The following TAOK1 variants were observed in gnomAD, a reference collection of about 807,000 sequenced individuals.
The protein encoded by TAOK1 is TAO kinase 1, also known as serine/threonine-protein kinase TAO1.
Under a neutral mutation model 138.3 loss-of-function variants are expected in TAOK1, and 21 were observed. The observed-to-expected ratio is 0.15, with a 90% CI of 0.11 to 0.22. The LOEUF is 0.22. TAOK1 is among the 10% of genes least tolerant of loss of function. TAOK1 has a pLI of 1.00. For missense variants in TAOK1, 651 were observed against 1,227.7 expected (o/e 0.53, Z 7.02); for synonymous variants, 361 against 398.4 (o/e 0.91, Z 1.12).
intron 19 of TAOK1, among the ~76,000 whole-genome samples, chr17:29,542,299 G>A (rs756078935): frequency 9.9e-5 from 15 of 152,116 alleles, no homozygotes; most frequent in Non-Finnish European, 2.1e-4. Flanking sequence ...CCCTATTCAA[G>A]TTATGGGTGC....
intron 19 of TAOK1, among the ~76,000 whole-genome samples, chr17:29,541,459 A>G (rs1283014804): frequency 6.6e-6 from 1 of 152,090 alleles, no homozygotes; most frequent in Non-Finnish European, 1.5e-5. Flanking sequence ...TGTGATATCT[A>G]ACAGAATTCA....
At chr17:29,465,864 T>TTTTTTTTTTTTTTTTTTC (rs397828344) in intron 2 of TAOK1, among the ~76,000 whole-genome samples, 1 of 131,858 alleles carries the variant, frequency 7.6e-6, no homozygotes, top group African/African-American at 2.8e-5. Context: ...TTTTTTTTTT[T>TTTTTTTTTTTTTTTTTTC]CAGATTTTCC....
chr17:29,403,870 T>C (rs1904919892), intron 1 of TAOK1: 1 of 152,038 alleles, frequency 6.6e-6, no homozygotes, highest in Non-Finnish European at 1.5e-5. Flanking sequence ...ATGCCTGGCC[T>C]AGATTCTTTA....
intron 12 of TAOK1, 33 bp from the exon 13 acceptor site, chr17:29,502,556 T>C: frequency 6.3e-7 from 1 of 1,591,340 alleles, no homozygotes; most frequent in South Asian, 1.1e-5. Flanking sequence ...ACTGTTCACC[T>C]TACATAATAT....
At chr17:29,428,233 G>A (rs78831588) in intron 1 of TAOK1, among the ~76,000 whole-genome samples, 4,883 of 152,226 alleles carry the variant, frequency 0.032, 261 homozygotes, top group African/African-American at 0.11. Flanking sequence ...CATCCTCATA[G>A]ATGTTGGGAG....
rs1436867373 is a variant in TAOK1, at chr17:29,468,485, GA to G, written c.204+1270del. Among the ~76,000 whole-genome samples, 7 of 151,610 alleles carry G rather than the reference GA, an allele frequency of 4.6e-5. No individual in the cohort carries two copies. In the East Asian group the frequency reaches 7.8e-4, roughly 17 times the overall value. On this transcript the variant is annotated intron_variant, in intron 3 of 19. Transcript: ENST00000261716. ...AAATATTCTCTGTTTATCTTGGAAAGATTATCAGTTTCTAAAAAATTAAAGT... is the reference window on the plus strand; with the variant it reads ...AAATATTCTCTGTTTATCTTGGAAAGTTATCAGTTTCTAAAAAATTAAAGT...
intron 15 of TAOK1, chr17:29,514,072 G>T (rs1161749915): frequency 6.6e-6 from 1 of 152,228 alleles, no homozygotes; most frequent in Non-Finnish European, 1.5e-5. Context: ...AGGTTGCAGT[G>T]AGCTGGGCCA....
At chr17:29,473,433 C>T (rs9909228) in intron 3 of TAOK1, among the ~76,000 whole-genome samples, 35,554 of 151,732 alleles carry the variant, frequency 0.23, 4,745 homozygotes, top group East Asian at 0.65. Context: ...GCCAGGAGTT[C>T]GAGACCAGCT....
At chr17:29,400,306 A>G (rs1443870559) in intron 1 of TAOK1, among the ~76,000 whole-genome samples, 2 of 150,908 alleles carry the variant, frequency 1.3e-5, no homozygotes, top group Non-Finnish European at 2.9e-5. Context: ...AGGCAGGAGA[A>G]TCACTTGAAC....
intron 3 of TAOK1, among the ~76,000 whole-genome samples, chr17:29,473,014 T>G (rs1476582060): frequency 6.6e-6 from 1 of 152,206 alleles, no homozygotes; most frequent in Non-Finnish European, 1.5e-5. Flanking sequence ...GGTGGCTAGG[T>G]ACACGGGCAA....
At chr17:29,399,027 C>T (rs539003714) in intron 1 of TAOK1, among the ~76,000 whole-genome samples, 3 of 149,674 alleles carry the variant, frequency 2.0e-5, no homozygotes, top group African/African-American at 7.4e-5. Flanking sequence ...ACTCCTGTCA[C>T]CCAGACTGGA....
intron 1 of TAOK1, among the ~76,000 whole-genome samples, chr17:29,410,848 T>C (rs1189895478): frequency 6.6e-6 from 1 of 151,364 alleles, no homozygotes; most frequent in African/African-American, 2.4e-5. Flanking sequence ...TTGGCCAGAC[T>C]GGTCTTGAAC....
intron 1 of TAOK1, among the ~76,000 whole-genome samples, chr17:29,416,132 C>T (rs1281997404): frequency 1.3e-5 from 2 of 151,890 alleles, no homozygotes; most frequent in African/African-American, 2.4e-5. Flanking sequence ...GGCATGGTGG[C>T]GGGCACCTGT....
chr17:29,461,412 G>T (rs915314612), intron 2 of TAOK1, among the ~76,000 whole-genome samples: 9 of 152,026 alleles, frequency 5.9e-5, no homozygotes, highest in Non-Finnish European at 4.4e-5. Context: ...GATAACAAAA[G>T]GTATATTTAG....
chr17:29,408,698 A>G (rs563005513), intron 1 of TAOK1, among the ~76,000 whole-genome samples: 40 of 151,264 alleles, frequency 2.6e-4, no homozygotes, highest in Non-Finnish European at 5.6e-4. Flanking sequence ...GCAGCCGCTG[A>G]TGTGATTTCT....
chr17:29,527,660 T>A (rs187775303), intron 17 of TAOK1, among the ~76,000 whole-genome samples: 8 of 152,198 alleles, frequency 5.3e-5, no homozygotes, highest in Non-Finnish European at 8.8e-5. Context: ...TAAATTTGGT[T>A]ACATATCCAT....
chr17:29,441,540 G>C (rs2029940117), intron 1 of TAOK1, among the ~76,000 whole-genome samples: 1 of 152,094 alleles, frequency 6.6e-6, no homozygotes, highest in Non-Finnish European at 1.5e-5. Flanking sequence ...ATTTCATCTA[G>C]ATTACCTAAT....
At chr17:29,396,506 T>C (rs551147290) in intron 1 of TAOK1, among the ~76,000 whole-genome samples, 1 of 152,326 alleles carries the variant, frequency 6.6e-6, no homozygotes, top group Non-Finnish European at 1.5e-5. Flanking sequence ...AATTTATCTT[T>C]AAAGCTGAGA....
chr17:29,453,620 A>C (rs1452821465), intron 2 of TAOK1, among the ~76,000 whole-genome samples: 1 of 151,462 alleles, frequency 6.6e-6, no homozygotes, highest in Non-Finnish European at 1.5e-5. Flanking sequence ...TCTGTTGCCC[A>C]GGCTGGAGTG....
Sources: gnomAD v4.1 joint callset for allele counts (sites outside exome capture counted in the v4.1 genomes callset) on GRCh38, gnomAD v4.1.1 for gene constraint, MANE v1.5 for transcripts, NCBI Gene and HGNC (gene_info 2026-07-23, HGNC 2026-07-21) for gene names.